The following BIN1 variants were observed in gnomAD, a reference collection of about 807,000 sequenced individuals.
BIN1 encodes bridging integrator 1, also known as myc box-dependent-interacting protein 1.
A neutral mutation model predicts 82.0 loss-of-function variants in BIN1; 53 were observed. That is an observed-to-expected ratio of 0.65 (90% CI 0.52 to 0.81). The LOEUF (loss-of-function observed/expected upper bound fraction) is 0.81. BIN1 is among the 40% of genes least tolerant of loss of function. The probability of loss-of-function intolerance (pLI) is 0.00; values close to 1 mark genes in which losing one functional copy is unlikely to be tolerated. For missense variants in BIN1, 642 were observed against 784.4 expected (o/e 0.82, Z 2.17); for synonymous variants, 302 against 328.0 (o/e 0.92, Z 0.86).
At chr2:127,080,476 AG>A (rs1472531157) in intron 1 of BIN1, among the ~76,000 whole-genome samples, 1 of 152,248 alleles carries the variant, frequency 6.6e-6, no homozygotes, top group Non-Finnish European at 1.5e-5. Flanking sequence ...CACTCTGTCC[AG>A]GGTTACTGGG....
chr2:127,092,807 C>T (rs72838206), intron 1 of BIN1, among the ~76,000 whole-genome samples: 3 of 152,224 alleles, frequency 2.0e-5, no homozygotes, highest in South Asian at 4.1e-4. Flanking sequence ...AGGCAGGGAC[C>T]CCATGAAGGA....
chr2:127,057,642 C>A lies in BIN1; in HGVS notation c.1003-41G>T. 1.4e-6 allele frequency: 2 copies of A among 1,479,650 alleles called. No individual in the cohort carries two copies. Among genetic ancestry groups the A allele is most frequent in the African/African-American group, 1.4e-5 (1 of 71,302 alleles). The allele number at this position is 1,479,650 out of a possible 1,614,324, so 91.7% of individuals were successfully genotyped here. A position where few individuals can be genotyped will look rare whatever the true frequency, so the allele number is the denominator to read the frequency against. ...GGGTGAGGGGCCGCGCGGGAAGGCACAGCAGAGCACGGGGTTTGGGGGAGA... is the reference window on the plus strand; with the variant it reads ...GGGTGAGGGGCCGCGCGGGAAGGCAAAGCAGAGCACGGGGTTTGGGGGAGA... On this transcript the variant is annotated intron_variant, in intron 11 of 18. Coordinates refer to ENST00000316724, the MANE Select transcript of BIN1 (RefSeq NM_139343.3). This position sits in a 1 kb window ranked among gnomAD's most constrained non-coding sequence, Gnocchi z 5.0.
At chr2:127,094,761 G>C (rs534051794) in intron 1 of BIN1, among the ~76,000 whole-genome samples, 228 of 152,288 alleles carry the variant, frequency 1.5e-3, no homozygotes, top group African/African-American at 4.9e-3. Flanking sequence ...AGCTCCCCCC[G>C]CCCAGCCCTG....
intron 1 of BIN1, among the ~76,000 whole-genome samples, chr2:127,106,103 C>A (rs1000191949): frequency 6.6e-6 from 1 of 152,198 alleles, no homozygotes; most frequent in Non-Finnish European, 1.5e-5. Context: ...GCGCCTTCCA[C>A]GCGCCTCCTC....
chr2:127,078,816 G>C (rs905553936), intron 1 of BIN1, among the ~76,000 whole-genome samples: 12 of 152,036 alleles, frequency 7.9e-5, no homozygotes, highest in African/African-American at 2.7e-4. Context: ...CAAAGAGCTT[G>C]GGTAGGTGAC....
chr2:127,088,142 T>G (rs1348539213), intron 1 of BIN1, among the ~76,000 whole-genome samples: 1 of 152,176 alleles, frequency 6.6e-6, no homozygotes, highest in Non-Finnish European at 1.5e-5. Flanking sequence ...GTGGTCACAC[T>G]GTGGGTGAGC....
intron 1 of BIN1, among the ~76,000 whole-genome samples, chr2:127,077,186 G>A (rs1469332580): frequency 1.3e-5 from 2 of 152,234 alleles, no homozygotes; most frequent in African/African-American, 2.4e-5. Context: ...CCCTGAACCG[G>A]CAGGAGCCAT....
chr2:127,057,465 CG>C lies in BIN1; in HGVS notation c.1131+7del. The C allele has an allele frequency of 6.5e-7, 1 of 1,544,372 alleles. No individual in the cohort carries two copies. The highest frequency in any genetic ancestry group is 8.7e-7 in the Non-Finnish European group (1 of 1,143,036). ...GAGGAGAGCTGGGCCGCGGCGGCCGCGGCTGACCTGGGAGGGGGTGGTCACG... is the reference window on the plus strand; with the variant it reads ...GAGGAGAGCTGGGCCGCGGCGGCCGCGCTGACCTGGGAGGGGGTGGTCACG... On this transcript the variant is annotated splice_region_variant and intron_variant, in intron 12 of 18. Transcript: ENST00000316724. The surrounding 1 kb of genome is among the most constrained non-coding windows in gnomAD (Gnocchi z 5.0).
At chr2:127,081,842 ATCT>A (rs982478168) in intron 1 of BIN1, 1 of 1,287,538 alleles carries the variant, frequency 7.8e-7, no homozygotes, top group African/African-American at 1.5e-5. Context: ...CTTCCGCATC[ATCT>A]CCTCCCCACC....
At position 127,057,525 on chromosome 2, in the gene BIN1, C is replaced by G. The variant is rs868783860; in HGVS notation, c.1079G>C (p.Ser360Thr). 1.3e-6 allele frequency: 2 copies of G among 1,546,768 alleles called. No homozygotes were observed. The highest frequency in any genetic ancestry group is 2.7e-5 in the African/African-American group (2 of 72,970). The change falls in exon 12 of 19, where the codon AGC (serine) becomes ACC (threonine). Residue 360 changes from serine to threonine, a missense_variant. Ser to Thr is a moderately conservative substitution (Grantham distance 58). Coordinates refer to ENST00000316724, the MANE Select transcript of BIN1 (RefSeq NM_139343.3). This position sits in a 1 kb window ranked among gnomAD's most constrained non-coding sequence, Gnocchi z 5.0. ...SKEVKQEQIL[S>T]LFEDTFVPEI... ...AGGGACAAACGTGTCCTCAAACAGG[C>G]TGAGGATCTGCTCCTGCTTGACTTC...
intron 15 of BIN1, 79 bp downstream of exon 15, chr2:127,052,176 C>T (rs1382796064): frequency 4.3e-5 from 62 of 1,428,268 alleles, no homozygotes; most frequent in Non-Finnish European, 5.8e-5. Context: ...TCCTGCAACC[C>T]CTCCTCGGGG....
At chr2:127,074,195 C>T (rs1686301637) in intron 2 of BIN1, among the ~76,000 whole-genome samples, 2 of 152,238 alleles carry the variant, frequency 1.3e-5, no homozygotes, top group Non-Finnish European at 1.5e-5. Context: ...TTCTCTCTCT[C>T]CTTTCCCAGG....
chr2:127,069,148 C>G (rs1214250065), intron 5 of BIN1, 117 bp from the exon 6 acceptor site: 2 of 900,262 alleles, frequency 2.2e-6, no homozygotes, highest in Admixed American at 4.3e-5. Flanking sequence ...CCACAGGAAC[C>G]CTTGAGCCCT....
chr2:127,077,327 C>G (rs567725401), intron 1 of BIN1, among the ~76,000 whole-genome samples: 11 of 102,682 alleles, frequency 1.1e-4, no homozygotes, highest in African/African-American at 4.0e-4. Context: ...CACACACACA[C>G]ACACACACAC....
chr2:127,101,034 G>C (rs1680286028), intron 1 of BIN1, among the ~76,000 whole-genome samples: 1 of 143,046 alleles, frequency 7.0e-6, no homozygotes, highest in South Asian at 2.2e-4. Context: ...CAGCTGTCTA[G>C]AGCTTTCTAC....
chr2:127,102,395 C>T (rs1374775447), intron 1 of BIN1, among the ~76,000 whole-genome samples: 1 of 152,186 alleles, frequency 6.6e-6, no homozygotes. Context: ...AGAATCCTTG[C>T]GATCCATAGA....
intron 1 of BIN1, among the ~76,000 whole-genome samples, chr2:127,101,002 G>GGGGGGGGGGGGGGA (rs1251905653): frequency 7.2e-6 from 1 of 139,554 alleles, no homozygotes; most frequent in East Asian, 2.0e-4. Flanking sequence ...GAATGTGCGG[G>GGGGGGGGGGGGGGA]GGGTGGGGAT....
intron 2 of BIN1, among the ~76,000 whole-genome samples, chr2:127,073,513 C>G (rs1686191656): frequency 6.6e-6 from 1 of 152,174 alleles, no homozygotes; most frequent in Non-Finnish European, 1.5e-5. Flanking sequence ...CCAGCATCCC[C>G]AAGCCCTCGC....
chr2:127,084,142 AG>A (rs1677823420), intron 1 of BIN1, among the ~76,000 whole-genome samples: 1 of 152,160 alleles, frequency 6.6e-6, no homozygotes, highest in Non-Finnish European at 1.5e-5. Context: ...AGCCTGGAGG[AG>A]AAAAAAAACT....
Sources: gnomAD v4.1 joint callset for allele counts (sites outside exome capture counted in the v4.1 genomes callset) on GRCh38, gnomAD v4.1.1 for gene constraint, Gnocchi (gnomAD v3.1) non-coding constraint, MANE v1.5 for transcripts, NCBI Gene and HGNC (gene_info 2026-07-23, HGNC 2026-07-21) for gene names.